Variants in TRPS1 observed in about 807,000 individuals in gnomAD.
TRPS1 encodes the protein zinc finger transcription factor Trps1.
Under a neutral mutation model 101.2 loss-of-function variants are expected in TRPS1, and 6 were observed. That is an observed-to-expected ratio of 0.06 (90% CI 0.03 to 0.12). TRPS1 has a LOEUF of 0.12. TRPS1 is among the 10% of genes least tolerant of loss of function. TRPS1 has a pLI of 1.00. For missense variants in TRPS1, 1,363 were observed against 1,567.0 expected, an observed-to-expected ratio of 0.87 and a Z score of 2.20; for synonymous variants, 578 against 589.8, an observed-to-expected ratio of 0.98 and a Z score of 0.29.
At chr8:115,531,308 TA>T (rs919296791) in intron 5 of TRPS1, among the ~76,000 whole-genome samples, 1 of 152,148 alleles carries the variant, frequency 6.6e-6, no homozygotes, top group Non-Finnish European at 1.5e-5. Flanking sequence ...TTAAATTAAA[TA>T]GTCAAAGTAT....
intron 5 of TRPS1, among the ~76,000 whole-genome samples, chr8:115,488,451 G>T (rs1489742405): frequency 6.6e-6 from 1 of 152,162 alleles, no homozygotes; most frequent in Non-Finnish European, 1.5e-5. Context: ...AGCCCTTTGG[G>T]AGGCCAAAGC....
rs1271156488 is a variant in TRPS1 at position 115,498,373 on chromosome 8, G to GTCTCTCTCTCTC, written c.2701-79933_2701-79922dup. Among the ~76,000 whole-genome samples the GTCTCTCTCTCTC allele has an allele frequency of 4.8e-3, 151 of 31,190 alleles. 61 individuals are homozygous for GTCTCTCTCTCTC. The highest frequency in any genetic ancestry group is 0.038 in the South Asian group (18 of 470). The allele number at this position is 31,190 out of a possible 152,430, so 20.5% of individuals were successfully genotyped here. A position where few individuals can be genotyped will look rare whatever the true frequency, so the allele number is the denominator to read the frequency against. On this transcript the variant is annotated intron_variant, in intron 5 of 6. Coordinates refer to ENST00000395715, the MANE Select transcript of TRPS1 (RefSeq NM_014112.5). ...AGCCTGGGCAACAAAGAGAGAGCCC[G>GTCTCTCTCTCTC]TCTCTCTCTCTCTCTCTCTCTCTCT...
intron 5 of TRPS1, among the ~76,000 whole-genome samples, chr8:115,431,841 T>A (rs2129833275): frequency 6.6e-6 from 1 of 152,068 alleles, no homozygotes; most frequent in East Asian, 1.9e-4. Context: ...TTGCTAATTT[T>A]GAGCAAATTT....
intron 5 of TRPS1, among the ~76,000 whole-genome samples, chr8:115,443,864 G>T (rs57924886): frequency 6.6e-6 from 1 of 152,286 alleles, no homozygotes; most frequent in African/African-American, 2.4e-5. Context: ...ATTTGGATGA[G>T]CATATAAAAT....
rs1235778929 is a variant in TRPS1 at position 115,410,968 on chromosome 8, A to C, written c.*3055T>G. 1.3e-5 allele frequency: 2 copies of C among 151,836 alleles called. No individual in the cohort carries two copies. The highest frequency in any genetic ancestry group is 2.9e-5 in the Non-Finnish European group (2 of 67,926). The allele number at this position is 151,836 out of a possible 1,614,324, so 9.4% of individuals were successfully genotyped here. On this transcript the variant is annotated 3_prime_UTR_variant, in exon 7 of 7. Transcript: ENST00000395715. ...AAGATAAAATAATTCAGAAATCTTA[A>C]ATTAAAAAAATAAATTTTATAATAT...
chr8:115,573,961 C>A (rs890757084), intron 5 of TRPS1, among the ~76,000 whole-genome samples: 1 of 152,152 alleles, frequency 6.6e-6, no homozygotes, highest in South Asian at 2.1e-4. Context: ...GTTTTCTCAA[C>A]ACAATGTGAT....
At chr8:115,576,147 A>G (rs555882214) in intron 5 of TRPS1, among the ~76,000 whole-genome samples, 1 of 152,248 alleles carries the variant, frequency 6.6e-6, no homozygotes, top group African/African-American at 2.4e-5. Context: ...TTTCCAAAGA[A>G]TGGGCTTTCT....
At chr8:115,502,377 G>C (rs1815339751) in intron 5 of TRPS1, among the ~76,000 whole-genome samples, 1 of 152,040 alleles carries the variant, frequency 6.6e-6, no homozygotes, top group Non-Finnish European at 1.5e-5. Flanking sequence ...ATACTGAAAG[G>C]CTTATTACCT....
chr8:115,423,933 A>G (rs1813128927), intron 5 of TRPS1, among the ~76,000 whole-genome samples: 1 of 152,232 alleles, frequency 6.6e-6, no homozygotes, highest in African/African-American at 2.4e-5. Flanking sequence ...AAATTTTGAA[A>G]AGGAACTGAT....
intron 5 of TRPS1, among the ~76,000 whole-genome samples, chr8:115,443,721 G>C (rs1022409508): frequency 1.3e-5 from 2 of 152,072 alleles, no homozygotes; most frequent in African/African-American, 4.8e-5. Flanking sequence ...AGGACTAAAG[G>C]AATTAATTCA....
chr8:115,461,790 G>A (rs534877617), intron 5 of TRPS1, among the ~76,000 whole-genome samples: 28 of 152,224 alleles, frequency 1.8e-4, no homozygotes, highest in African/African-American at 6.3e-4. Flanking sequence ...TTCAAGCTAA[G>A]ATTAAAGGCT....
At chr8:115,463,107 T>TTGA (rs1814229118) in intron 5 of TRPS1, among the ~76,000 whole-genome samples, 1 of 152,196 alleles carries the variant, frequency 6.6e-6, no homozygotes, top group South Asian at 2.1e-4. Flanking sequence ...GAAAAAGTGT[T>TTGA]TGAATAAATG....
In TRPS1 at chr8:115,604,752, T is replaced by C. The variant is rs1401225831; in HGVS notation, c.1217A>G (p.Asp406Gly). The C allele has an allele frequency of 6.2e-7, 1 of 1,613,714 alleles. No individual in the cohort carries two copies. The highest frequency in any genetic ancestry group is 8.5e-7 in the Non-Finnish European group (1 of 1,179,926). The stretch of plus-strand genomic sequence containing the variant: ...TATCTTGTCCTGCCATTTTCCCAAG[T>C]CTCCAGAATCACTGGATTGAAGTGC... ...IPALQSSDSG[D>G]LGKWQDKITV... The change falls in exon 4 of 7, where the codon GAC (aspartate) becomes GGC (glycine). Residue 406 changes from aspartate to glycine, a missense_variant. Around this residue, in one of 5 missense-constraint regions of TRPS1, gnomAD observed 1,020 missense variants for 1,073.0 expected, o/e 0.95. Coordinates refer to ENST00000395715, the MANE Select transcript of TRPS1 (RefSeq NM_014112.5). This position sits in a 1 kb window ranked among gnomAD's most constrained non-coding sequence, Gnocchi z 4.1.
At chr8:115,662,145 T>C (rs1811814414) in intron 1 of TRPS1, among the ~76,000 whole-genome samples, 1 of 151,988 alleles carries the variant, frequency 6.6e-6, no homozygotes. Context: ...CTAGAGTCTG[T>C]AACTCTCGCA....
chr8:115,646,240 TAC>T (rs913960573), intron 1 of TRPS1, among the ~76,000 whole-genome samples: 1 of 152,180 alleles, frequency 6.6e-6, no homozygotes, highest in Admixed American at 6.5e-5. Context: ...CAGGTACTAC[TAC>T]TCACAGCCTA....
chr8:115,612,339 C>T (rs891755855), intron 3 of TRPS1, among the ~76,000 whole-genome samples: 1 of 151,770 alleles, frequency 6.6e-6, no homozygotes, highest in African/African-American at 2.4e-5. Flanking sequence ...AAAGCTAGAA[C>T]AACAGAAAAG....
At chr8:115,525,860 T>C (rs896932837) in intron 5 of TRPS1, among the ~76,000 whole-genome samples, 11 of 152,308 alleles carry the variant, frequency 7.2e-5, no homozygotes, top group Admixed American at 6.5e-4. Context: ...TGGAAATCTA[T>C]ACAGGATTTC....
intron 5 of TRPS1, among the ~76,000 whole-genome samples, chr8:115,535,324 G>GCATATATAA (rs1816279812): frequency 1.5e-4 from 6 of 40,188 alleles, no homozygotes; most frequent in African/African-American, 1.3e-3. Flanking sequence ...AGCATATATA[G>GCATATATAA]AGCATATATA....
intron 3 of TRPS1, among the ~76,000 whole-genome samples, chr8:115,609,589 C>T (rs1418044340): frequency 1.3e-5 from 2 of 152,120 alleles, no homozygotes; most frequent in Non-Finnish European, 2.9e-5. Flanking sequence ...ACTGACTTGA[C>T]CTGGCATACA....
Sources: allele counts gnomAD v4.1 joint callset (sites outside exome capture counted in the v4.1 genomes callset), GRCh38; gene constraint gnomAD v4.1.1; regional missense constraint gnomAD v4.1.1; non-coding constraint Gnocchi (gnomAD v3.1); transcripts MANE v1.5; gene names NCBI Gene and HGNC (gene_info 2026-07-23, HGNC 2026-07-21).